Variants in SDK1 observed in about 807,000 individuals in gnomAD.
SDK1 encodes the protein sidekick cell adhesion molecule 1.
A neutral mutation model predicts 245.5 loss-of-function variants in SDK1; 157 were observed. That is an observed-to-expected ratio of 0.64 (90% CI 0.56 to 0.73). The LOEUF is 0.73. Among genes scored for constraint, SDK1 ranks in the 30% least tolerant of loss-of-function variants. The pLI is 0.00. For missense variants in SDK1, 3,583 were observed against 3,002.3 expected, an observed-to-expected ratio of 1.19 and a Z score of -4.52; for synonymous variants, 1,647 against 1,278.5, an observed-to-expected ratio of 1.29 and a Z score of -6.15.
chr7:3,316,395 A>G (rs1432635634), intron 1 of SDK1, among the ~76,000 whole-genome samples: 2 of 152,136 alleles, frequency 1.3e-5, no homozygotes, highest in African/African-American at 4.8e-5. Flanking sequence ...TAGGCTATAT[A>G]TCATATAACC....
At chr7:3,761,367 A>G (rs1406815118) in intron 4 of SDK1, among the ~76,000 whole-genome samples, 1 of 147,604 alleles carries the variant, frequency 6.8e-6, no homozygotes, top group Non-Finnish European at 1.5e-5. Flanking sequence ...TCTTGCCTTA[A>G]CACGGTGAAA....
At chr7:3,464,434 T>C (rs1002569317) in intron 1 of SDK1, among the ~76,000 whole-genome samples, 6 of 152,218 alleles carry the variant, frequency 3.9e-5, no homozygotes, top group Non-Finnish European at 7.4e-5. Context: ...GGTGGGAGGA[T>C]CATTTGAGCC....
chr7:3,528,976 C>G (rs1438928447), intron 1 of SDK1, among the ~76,000 whole-genome samples: 3 of 152,030 alleles, frequency 2.0e-5, no homozygotes, highest in Non-Finnish European at 4.4e-5. Context: ...GGCACTGGGA[C>G]TGAGCCAGGG....
chr7:3,749,138 TC>T (rs1649804695), intron 4 of SDK1, among the ~76,000 whole-genome samples: 2 of 152,062 alleles, frequency 1.3e-5, no homozygotes, highest in Admixed American at 6.6e-5. Context: ...GAACATCACC[TC>T]TTTTTTTTTT....
At chr7:3,515,230 G>T (rs935806100) in intron 1 of SDK1, among the ~76,000 whole-genome samples, 2 of 152,148 alleles carry the variant, frequency 1.3e-5, no homozygotes, top group Non-Finnish European at 2.9e-5. Context: ...AGCCCATTGT[G>T]ACCCTGCTGA....
chr7:3,545,907 C>T (rs2128621700), intron 1 of SDK1, among the ~76,000 whole-genome samples: 1 of 152,320 alleles, frequency 6.6e-6, no homozygotes, highest in Admixed American at 6.5e-5. Flanking sequence ...TTTTGAGTTG[C>T]TGTCCATTTA....
rs1039950436 is a variant in SDK1 at position 4,065,709 on chromosome 7, T to G, written c.2912-2129T>G. Among the ~76,000 whole-genome samples, 284 of 82,638 alleles carry G rather than the reference T, an allele frequency of 3.4e-3. 2 individuals carry two copies. In the African/African-American group the frequency reaches 0.035, roughly 10 times the overall value. 54.2% of individuals were successfully genotyped at this position (82,638 alleles called of 152,430 possible). On this transcript the variant is annotated intron_variant, in intron 19 of 44. Transcript: ENST00000404826. ...AGTGGTTGTTGTTTTTTTTTTTTTT[T>G]TTTTTTTTTTTTTTTTTTTTGAGGC...
intron 4 of SDK1, among the ~76,000 whole-genome samples, chr7:3,758,586 G>C (rs1354623872): frequency 6.6e-6 from 1 of 152,174 alleles, no homozygotes; most frequent in Non-Finnish European, 1.5e-5. Flanking sequence ...GCTTTCTCCA[G>C]TTGGCCACTG....
intron 13 of SDK1, among the ~76,000 whole-genome samples, chr7:3,980,769 C>G (rs935796675): frequency 6.6e-6 from 1 of 152,168 alleles, no homozygotes; most frequent in African/African-American, 2.4e-5. Flanking sequence ...TGGCGAAACC[C>G]TGTCTCTACT....
At chr7:4,030,721 C>T (rs1024573671) in intron 17 of SDK1, among the ~76,000 whole-genome samples, 3 of 152,242 alleles carry the variant, frequency 2.0e-5, no homozygotes, top group Admixed American at 6.5e-5. Flanking sequence ...TGTATTCCAG[C>T]TTGCGTCCAT....
chr7:3,484,084 C>A (rs1015272002), intron 1 of SDK1, among the ~76,000 whole-genome samples: 3 of 152,172 alleles, frequency 2.0e-5, no homozygotes, highest in Non-Finnish European at 4.4e-5. Flanking sequence ...TCTCTTGCAG[C>A]TATTTAAGAA....
chr7:3,302,871 C>T (rs1416639914), intron 1 of SDK1, among the ~76,000 whole-genome samples: 3 of 152,208 alleles, frequency 2.0e-5, no homozygotes, highest in South Asian at 2.1e-4. Context: ...CTGAGATTGG[C>T]GAAGATGAGA....
intron 4 of SDK1, among the ~76,000 whole-genome samples, chr7:3,788,176 C>A (rs1363938395): frequency 6.6e-6 from 1 of 152,130 alleles, no homozygotes; most frequent in East Asian, 1.9e-4. Context: ...AGTGCTCGGG[C>A]ACCAGCTTCT....
chr7:3,801,364 TA>T (rs1779102253), intron 4 of SDK1, among the ~76,000 whole-genome samples: 1 of 152,218 alleles, frequency 6.6e-6, no homozygotes, highest in South Asian at 2.1e-4. Context: ...AGGTTATAAT[TA>T]AAAGCATGAA....
At chr7:3,520,822 C>T (rs1369618016) in intron 1 of SDK1, among the ~76,000 whole-genome samples, 1 of 152,164 alleles carries the variant, frequency 6.6e-6, no homozygotes, top group African/African-American at 2.4e-5. Context: ...TTTATTAGAC[C>T]TTGCACAGCC....
At position 4,164,811 on chromosome 7, in the gene SDK1, A is replaced by C. The variant is rs530474179; in HGVS notation, c.4800+2955A>C. ...CTGGAGGAGCTGGGCTGGTGTGTGC[A>C]TCAGCCGTCCCCCTCCAGAGCCCAA... is the stretch of plus-strand genomic sequence containing the variant. On this transcript the variant is annotated intron_variant, in intron 32 of 44. Transcript: ENST00000404826. Among the ~76,000 whole-genome samples, 12 of 152,342 alleles carry C rather than the reference A, an allele frequency of 7.9e-5. No homozygotes were observed. In the South Asian group the frequency reaches 2.5e-3, roughly 32 times the overall value.
chr7:3,971,846 C>T (rs966186331), intron 12 of SDK1, among the ~76,000 whole-genome samples: 4 of 152,122 alleles, frequency 2.6e-5, no homozygotes, highest in African/African-American at 7.2e-5. Context: ...ATCTGTAAAA[C>T]GTACTTGTCA....
chr7:3,714,264 C>G (rs1785135631), intron 4 of SDK1, among the ~76,000 whole-genome samples: 1 of 152,126 alleles, frequency 6.6e-6, no homozygotes, highest in East Asian at 1.9e-4. Flanking sequence ...TGTAGCCAGA[C>G]CCGTTGCTTA....
intron 44 of SDK1, among the ~76,000 whole-genome samples, chr7:4,250,225 A>AT (rs2128240565): frequency 6.6e-6 from 1 of 152,318 alleles, no homozygotes; most frequent in African/African-American, 2.4e-5. Context: ...GAAGTAATCA[A>AT]TTTGTGTGTT....
Sources: gnomAD v4.1 joint callset for allele counts (sites outside exome capture counted in the v4.1 genomes callset) on GRCh38, gnomAD v4.1.1 for gene constraint, MANE v1.5 for transcripts, NCBI Gene and HGNC (gene_info 2026-07-23, HGNC 2026-07-21) for gene names.